Variants in DLGAP2 observed in about 807,000 individuals in gnomAD.
DLGAP2 encodes disks large-associated protein 2.
Under a neutral mutation model 100.3 loss-of-function variants are expected in DLGAP2, and 26 were observed. The ratio of observed to expected loss-of-function variants is 0.26; its 90% CI spans 0.19 to 0.36. The LOEUF is 0.36. DLGAP2 is among the 10% of genes least tolerant of loss of function. The probability of loss-of-function intolerance (pLI) is 1.00; values close to 1 mark genes in which losing one functional copy is unlikely to be tolerated. For missense variants in DLGAP2, 1,858 were observed against 1,453.2 expected (o/e 1.28, Z -4.53); for synonymous variants, 886 against 630.1 (o/e 1.41, Z -6.08).
intron 2 of DLGAP2, among the ~76,000 whole-genome samples, chr8:1,203,156 C>G (rs191304086): frequency 6.6e-6 from 1 of 152,132 alleles, no homozygotes; most frequent in Admixed American, 6.5e-5. Context: ...GTTTTGAGGT[C>G]TGTTATTCCT....
intron 2 of DLGAP2, among the ~76,000 whole-genome samples, chr8:1,231,471 C>G (rs1484243754): frequency 6.6e-6 from 1 of 152,156 alleles, no homozygotes; most frequent in Non-Finnish European, 1.5e-5. Flanking sequence ...ACGCAGCAAT[C>G]CCATTACTGG....
In DLGAP2 at chr8:947,648, T is replaced by C. The variant is rs374069184; in HGVS notation, c.73+39682T>C. 2.9e-3 allele frequency among the ~76,000 whole-genome samples: 443 copies of C among 152,240 alleles called. 3 individuals are homozygous for C. Among genetic ancestry groups the C allele is most frequent in the African/African-American group, 9.9e-3 (413 of 41,568 alleles). ...TGGTCACCACCTCCACGCGCGGCGCTGTCTGCTCTTGGCCGGGCCATCCTG... is the reference window on the plus strand; with the variant it reads ...TGGTCACCACCTCCACGCGCGGCGCCGTCTGCTCTTGGCCGGGCCATCCTG... On this transcript the variant is annotated intron_variant, in intron 2 of 14. Transcript: ENST00000637795.
rs530101207 is a variant in DLGAP2 at position 1,333,540 on chromosome 8, G to C, written c.106+74657G>C. On this transcript the variant is annotated intron_variant, in intron 3 of 14. Coordinates refer to ENST00000637795, the MANE Select transcript of DLGAP2 (RefSeq NM_001346810.2). ...CCCCGTTTCTCCTCCCGTGAGTCCTGTGTGCAGGGTTTGTTCATCCGGACA... is the reference window on the plus strand; with the variant it reads ...CCCCGTTTCTCCTCCCGTGAGTCCTCTGTGCAGGGTTTGTTCATCCGGACA... 2.0e-5 allele frequency among the ~76,000 whole-genome samples: 3 copies of C among 152,272 alleles called. No homozygotes were observed. In the South Asian group the frequency reaches 6.2e-4, roughly 32 times the overall value.
intron 3 of DLGAP2, among the ~76,000 whole-genome samples, chr8:1,415,863 T>C (rs554163713): frequency 6.6e-6 from 1 of 152,338 alleles, no homozygotes; most frequent in Admixed American, 6.5e-5. Context: ...ATTTAAGTTC[T>C]TTGAGAAATC....
chr8:1,417,687 A>C lies in DLGAP2; in HGVS notation c.107-83679A>C, dbSNP rs940735689. On this transcript the variant is annotated intron_variant, in intron 3 of 14. Coordinates refer to ENST00000637795, the MANE Select transcript of DLGAP2 (RefSeq NM_001346810.2). Reference sequence around the variant, plus strand: ...TCACTCCGCGAGGCTCCAGGGGGGCACAGGGGGCCCCACTCCTGCCTCACT... The same window carrying C: ...TCACTCCGCGAGGCTCCAGGGGGGCCCAGGGGGCCCCACTCCTGCCTCACT... Among the ~76,000 whole-genome samples, 13 of 136,882 alleles carry C rather than the reference A, an allele frequency of 9.5e-5. 3 individuals carry two copies. Among genetic ancestry groups the C allele is most frequent in the African/African-American group, 3.6e-4 (13 of 36,550 alleles). 89.8% of individuals were successfully genotyped at this position (136,882 alleles called of 152,430 possible).
intron 3 of DLGAP2, among the ~76,000 whole-genome samples, chr8:1,303,400 A>G (rs535943033): frequency 1.1e-5 from 1 of 90,582 alleles, no homozygotes; most frequent in Non-Finnish European, 2.2e-5. Context: ...CCGTCTCAAA[A>G]ACAAAAAAAA....
intron 2 of DLGAP2, among the ~76,000 whole-genome samples, chr8:1,240,383 G>T (rs368291984): frequency 2.8e-5 from 4 of 142,148 alleles, no homozygotes; most frequent in Non-Finnish European, 6.0e-5. Flanking sequence ...ATCGTGTCTG[G>T]TTCTCTCACA....
rs930011601 is a variant in DLGAP2 at position 910,168 on chromosome 8, C to T, written c.73+2202C>T. 5.9e-5 allele frequency among the ~76,000 whole-genome samples: 9 copies of T among 152,150 alleles called. 1 individual carries two copies. Among genetic ancestry groups the T allele is most frequent in the African/African-American group, 1.9e-4 (8 of 41,428 alleles). On this transcript the variant is annotated intron_variant, in intron 2 of 14. Transcript: ENST00000637795. ...GGGCGCTTAGGCAGCATCACCATGG[C>T]GGATTCTGCATTACGGGTGCTTGAC... is the stretch of plus-strand genomic sequence containing the variant.
intron 1 of DLGAP2, among the ~76,000 whole-genome samples, chr8:761,391 C>G (rs143812882): frequency 9.8e-5 from 15 of 152,360 alleles, no homozygotes; most frequent in African/African-American, 3.6e-4. Context: ...GACTGCAGTT[C>G]TATTGCATCA....
chr8:887,064 C>T (rs952402201), intron 1 of DLGAP2, among the ~76,000 whole-genome samples: 5 of 152,120 alleles, frequency 3.3e-5, no homozygotes, highest in African/African-American at 1.2e-4. Flanking sequence ...TTATTGGGTG[C>T]GTATATATTC....
At chr8:1,059,682 C>T (rs962810851) in intron 2 of DLGAP2, among the ~76,000 whole-genome samples, 1 of 152,134 alleles carries the variant, frequency 6.6e-6, no homozygotes, top group Non-Finnish European at 1.5e-5. Flanking sequence ...ATGCTGTGGT[C>T]AGCCTCCTTG....
At chr8:1,478,729 AG>A (rs1484739425) in intron 3 of DLGAP2, among the ~76,000 whole-genome samples, 1 of 152,146 alleles carries the variant, frequency 6.6e-6, no homozygotes, top group Non-Finnish European at 1.5e-5. Flanking sequence ...TTTGGATGGC[AG>A]CCACCCCCAC....
chr8:946,148 T>G (rs559257262), intron 2 of DLGAP2, among the ~76,000 whole-genome samples: 1 of 152,220 alleles, frequency 6.6e-6, no homozygotes, highest in East Asian at 1.9e-4. Context: ...GGCAAACCCT[T>G]AGCGTGACCC....
At chr8:1,210,042 CCAGTGT>C (rs201681471) in intron 2 of DLGAP2, among the ~76,000 whole-genome samples, 1,612 of 152,276 alleles carry the variant, frequency 0.011, 31 homozygotes, top group African/African-American at 0.037. Flanking sequence ...CCACCTCGCC[CCAGTGT>C]CTTACAACCC....
chr8:1,276,482 C>T (rs562063855), intron 3 of DLGAP2, among the ~76,000 whole-genome samples: 24 of 152,230 alleles, frequency 1.6e-4, no homozygotes, highest in African/African-American at 5.1e-4. Flanking sequence ...GCTGCTGAGG[C>T]GGCATCTTCA....
chr8:1,504,803 G>T (rs1253765169), intron 4 of DLGAP2, among the ~76,000 whole-genome samples: 2 of 152,194 alleles, frequency 1.3e-5, no homozygotes, highest in African/African-American at 4.8e-5. Flanking sequence ...GGTTCTGCGT[G>T]TTGGCTGTGG....
chr8:909,568 C>A (rs1798444749), intron 2 of DLGAP2, among the ~76,000 whole-genome samples: 1 of 151,966 alleles, frequency 6.6e-6, no homozygotes, highest in South Asian at 2.1e-4. Context: ...TCCAAGTAAT[C>A]AATCTGTAGA....
intron 4 of DLGAP2, among the ~76,000 whole-genome samples, chr8:1,542,269 A>G (rs143429660): frequency 6.6e-6 from 1 of 152,370 alleles, no homozygotes; most frequent in African/African-American, 2.4e-5. Context: ...GTCACACACC[A>G]TAAAAGTCAC....
At chr8:1,438,551 T>A (rs1194659855) in intron 3 of DLGAP2, among the ~76,000 whole-genome samples, 1 of 152,222 alleles carries the variant, frequency 6.6e-6, no homozygotes, top group African/African-American at 2.4e-5. Flanking sequence ...AATTTTTTTC[T>A]TTTCAAAAGA....
Sources: gnomAD v4.1 joint callset for allele counts (sites outside exome capture counted in the v4.1 genomes callset) on GRCh38, gnomAD v4.1.1 for gene constraint, MANE v1.5 for transcripts, NCBI Gene and HGNC (gene_info 2026-07-23, HGNC 2026-07-21) for gene names.